ESRRG: variants seen among roughly 807,000 people sequenced by gnomAD.
ESRRG encodes the protein estrogen-related receptor gamma.
In ESRRG, 13 loss-of-function variants were observed where a neutral mutation model predicts 44.0. The ratio of observed to expected loss-of-function variants is 0.30; its 90% confidence interval spans 0.19 to 0.47. ESRRG has a LOEUF of 0.47. Ranked by LOEUF, ESRRG falls within the 20% of genes least tolerant of loss-of-function variation. The pLI, the probability that ESRRG is intolerant of heterozygous loss-of-function variation, is 1.00. For missense variants in ESRRG, 395 were observed against 580.6 expected, an observed-to-expected ratio of 0.68 and a Z score of 3.29; for synonymous variants, 215 against 214.6, an observed-to-expected ratio of 1.00 and a Z score of -0.02.
At chr1:216,880,966 A>T (rs899740288) in intron 2 of ESRRG, among the ~76,000 whole-genome samples, 1 of 152,202 alleles carries the variant, frequency 6.6e-6, no homozygotes, top group African/African-American at 2.4e-5. Context: ...GAACCTAAAG[A>T]TAAAATATAA....
intron 1 of ESRRG, among the ~76,000 whole-genome samples, chr1:217,105,977 T>A (rs949546018): frequency 6.6e-6 from 1 of 152,170 alleles, no homozygotes; most frequent in Non-Finnish European, 1.5e-5. Flanking sequence ...AAAAACTAAA[T>A]GAGAGTGACC....
Position 216,677,300 on chromosome 1 carries a change from G to T in ESRRG, c.248C>A (p.Pro83His). Residue 83 changes from proline (P) to histidine (H), a missense_variant, in exon 2 of 7, where the codon CCT becomes CAT. Pro to His is a moderately conservative substitution (Grantham distance 77). Coordinates refer to ENST00000408911, the MANE Select transcript of ESRRG (RefSeq NM_001438.4). ...CAGGATAGGAGCAGAAGGGTAGAGA[G>T]GTGGCGAGTCAAGTCCGTTCTGATG... ...NGHQNGLDSP[P>H]LYPSAPILGG... is the part of the protein sequence containing the mutation. 2 of 1,614,204 alleles carry T rather than the reference G, an allele frequency of 1.2e-6. No homozygotes were observed. Among genetic ancestry groups the T allele is most frequent in the Non-Finnish European group, 1.7e-6 (2 of 1,180,040 alleles).
At chr1:216,703,659 ATGTGTGTG>A (rs67638063) in intron 1 of ESRRG, among the ~76,000 whole-genome samples, 71,814 of 148,838 alleles carry the variant, frequency 0.48, 17,732 homozygotes, top group African/African-American at 0.59. Flanking sequence ...AGCTGGATAG[ATGTGTGTG>A]TGTGTGTGTG....
chr1:217,113,253 A>G (rs1458418293), intron 1 of ESRRG, among the ~76,000 whole-genome samples: 1 of 152,210 alleles, frequency 6.6e-6, no homozygotes, highest in Non-Finnish European at 1.5e-5. Flanking sequence ...CAAGAGCCTC[A>G]GAGAGTAGTT....
At chr1:216,856,446 C>T (rs928206596) in intron 2 of ESRRG, among the ~76,000 whole-genome samples, 1 of 151,552 alleles carries the variant, frequency 6.6e-6, no homozygotes, top group African/African-American at 2.4e-5. Flanking sequence ...CCTGAAATTG[C>T]TTTTGGAACA....
chr1:216,644,883 A>C lies in ESRRG; in HGVS notation c.589+6090T>G, dbSNP rs181506768. ...TTTAGAAGCCATTTAAAATTATATA[A>C]GCCTGCTCTTCTCCTTTCCTACTGC... On this transcript the variant is annotated intron_variant, in intron 3 of 6. Coordinates refer to ENST00000408911, the MANE Select transcript of ESRRG (RefSeq NM_001438.4). Among the ~76,000 whole-genome samples the C allele has an allele frequency of 1.7e-3, 258 of 152,300 alleles. 2 individuals carry two copies. Among genetic ancestry groups the C allele is most frequent in the African/African-American group, 6.0e-3 (249 of 41,568 alleles).
At chr1:216,850,702 T>C (rs2148976228) in intron 2 of ESRRG, among the ~76,000 whole-genome samples, 1 of 152,168 alleles carries the variant, frequency 6.6e-6, no homozygotes, top group South Asian at 2.1e-4. Flanking sequence ...TCATTTCCCC[T>C]AGAAATTAAA....
intron 1 of ESRRG, among the ~76,000 whole-genome samples, chr1:217,074,677 A>G (rs2091059272): frequency 6.6e-6 from 1 of 152,134 alleles, no homozygotes. Flanking sequence ...ATGTCTACAA[A>G]ACATTTAAAA....
At chr1:217,084,803 A>G (rs1251487719) in intron 1 of ESRRG, among the ~76,000 whole-genome samples, 2 of 152,198 alleles carry the variant, frequency 1.3e-5, no homozygotes. Context: ...AGTATCTTGC[A>G]TGTTACCACA....
intron 1 of ESRRG, among the ~76,000 whole-genome samples, chr1:216,719,090 T>A (rs772754587): frequency 2.6e-5 from 4 of 152,018 alleles, no homozygotes; most frequent in African/African-American, 4.8e-5. Context: ...CTTTAGTCAT[T>A]GAGCTAAAAC....
At chr1:216,767,819 G>T (rs1009864030) in intron 2 of ESRRG, among the ~76,000 whole-genome samples, 1 of 152,104 alleles carries the variant, frequency 6.6e-6, no homozygotes, top group Non-Finnish European at 1.5e-5. Flanking sequence ...GGTAGAAAAA[G>T]TGTGGCCTAT....
intron 3 of ESRRG, among the ~76,000 whole-genome samples, chr1:216,621,260 T>C (rs1181376298): frequency 6.6e-6 from 1 of 152,220 alleles, no homozygotes. Context: ...CTTCATGTTT[T>C]ATTGGAAAAT....
At chr1:216,786,138 T>C (rs972960049) in intron 2 of ESRRG, among the ~76,000 whole-genome samples, 7 of 152,078 alleles carry the variant, frequency 4.6e-5, no homozygotes, top group African/African-American at 1.7e-4. Flanking sequence ...GTTTTTAAAA[T>C]GGGATGTGAG....
chr1:216,948,489 A>C (rs2066442155), intron 1 of ESRRG, among the ~76,000 whole-genome samples: 2 of 151,534 alleles, frequency 1.3e-5, no homozygotes, highest in African/African-American at 4.8e-5. Context: ...AAAAAAAAAA[A>C]AAAAAAGAAA....
At chr1:216,823,950 A>G (rs999940789) in intron 2 of ESRRG, among the ~76,000 whole-genome samples, 1 of 152,192 alleles carries the variant, frequency 6.6e-6, no homozygotes, top group Admixed American at 6.5e-5. Flanking sequence ...CACAAAATGG[A>G]CATGGCTGAG....
chr1:217,024,380 A>G (rs2150955696), intron 1 of ESRRG, among the ~76,000 whole-genome samples: 1 of 151,100 alleles, frequency 6.6e-6, no homozygotes, highest in East Asian at 2.0e-4. Context: ...AAATTAGAGC[A>G]CTGAATAACT....
intron 1 of ESRRG, among the ~76,000 whole-genome samples, chr1:217,059,731 G>A (rs1185625485): frequency 6.6e-6 from 1 of 151,976 alleles, no homozygotes; most frequent in African/African-American, 2.4e-5. Flanking sequence ...AAATACAGGG[G>A]GCAGAGGGAC....
upstream of ESRRG, among the ~76,000 whole-genome samples, chr1:216,726,686 T>A (rs2087591194): frequency 6.6e-6 from 1 of 152,138 alleles, no homozygotes; most frequent in Admixed American, 6.5e-5. Context: ...ACAAAGAATA[T>A]TAATAAATTA....
intron 1 of ESRRG, among the ~76,000 whole-genome samples, chr1:217,011,169 G>T (rs750208957): frequency 6.6e-6 from 1 of 152,114 alleles, no homozygotes; most frequent in Admixed American, 6.5e-5. Flanking sequence ...TCCCAGCTGC[G>T]TACACACTCT....
Sources: gnomAD v4.1 joint callset for allele counts (sites outside exome capture counted in the v4.1 genomes callset) on GRCh38, gnomAD v4.1.1 for gene constraint, MANE v1.5 for transcripts, NCBI Gene and HGNC (gene_info 2026-07-23, HGNC 2026-07-21) for gene names.